Variants in CSMD1 observed in about 807,000 individuals in gnomAD.
The protein encoded by CSMD1 is CUB and Sushi multiple domains 1, also known as CUB and sushi domain-containing protein 1.
In CSMD1, 213 loss-of-function variants were observed where a neutral mutation model predicts 417.5. The observed-to-expected ratio is 0.51, with a 90% CI of 0.46 to 0.57. The LOEUF (loss-of-function observed/expected upper bound fraction) is 0.57. CSMD1 is among the 20% of genes least tolerant of loss of function. The pLI is 0.00. For synonymous variants in CSMD1, 2,862 were observed against 1,736.8 expected, an observed-to-expected ratio of 1.65 and a Z score of -16.11; for missense variants, 6,923 against 4,529.7, an observed-to-expected ratio of 1.53 and a Z score of -15.17.
At chr8:4,513,127 G>A (rs372534857) in intron 2 of CSMD1, among the ~76,000 whole-genome samples, 34 of 152,238 alleles carry the variant, frequency 2.2e-4, no homozygotes, top group South Asian at 1.0e-3. Flanking sequence ...GCAAGAGTGC[G>A]CTCCAATGTA....
chr8:3,684,227 TATATA>T (rs1223370384), intron 7 of CSMD1, among the ~76,000 whole-genome samples: 2 of 143,682 alleles, frequency 1.4e-5, no homozygotes, highest in Non-Finnish European at 3.0e-5. Flanking sequence ...TATAACATAA[TATATA>T]ATATATAATT....
intron 5 of CSMD1, among the ~76,000 whole-genome samples, chr8:3,978,748 G>A (rs1281700528): frequency 6.6e-6 from 1 of 152,068 alleles, no homozygotes; most frequent in Non-Finnish European, 1.5e-5. Flanking sequence ...CCCAGCATAC[G>A]ACATCAGTGC....
chr8:3,046,084 G>T (rs1320830051), intron 50 of CSMD1, among the ~76,000 whole-genome samples: 12 of 152,152 alleles, frequency 7.9e-5, no homozygotes, highest in Non-Finnish European at 1.6e-4. Context: ...ATAAAGAGAA[G>T]TTTGTGAATT....
chr8:2,979,704 G>T (rs1805245957), intron 54 of CSMD1, among the ~76,000 whole-genome samples: 1 of 152,172 alleles, frequency 6.6e-6, no homozygotes, highest in South Asian at 2.1e-4. Flanking sequence ...ATTCAAAAAA[G>T]GAAGGCAGAG....
chr8:3,948,798 A>C (rs759275013), intron 5 of CSMD1, among the ~76,000 whole-genome samples: 5 of 151,254 alleles, frequency 3.3e-5, no homozygotes, highest in Non-Finnish European at 5.9e-5. Context: ...AAGCAGTTTT[A>C]CTACCCAGTT....
intron 3 of CSMD1, among the ~76,000 whole-genome samples, chr8:4,285,802 C>G (rs912339189): frequency 6.6e-6 from 1 of 152,132 alleles, no homozygotes; most frequent in Admixed American, 6.6e-5. Flanking sequence ...CTCCAGGTGT[C>G]CCTCTAATTT....
At chr8:3,511,668 G>A (rs531845495) in intron 10 of CSMD1, among the ~76,000 whole-genome samples, 4 of 149,538 alleles carry the variant, frequency 2.7e-5, no homozygotes, top group South Asian at 4.2e-4. Flanking sequence ...AAAGGCAGGA[G>A]AATCCCTTGA....
chr8:4,268,016 G>C (rs981029302), intron 3 of CSMD1, among the ~76,000 whole-genome samples: 14 of 152,070 alleles, frequency 9.2e-5, no homozygotes, highest in African/African-American at 2.7e-4. Context: ...ATAGGAATAA[G>C]ACATATATAC....
At chr8:2,965,224 G>A (rs751271808) in intron 59 of CSMD1, among the ~76,000 whole-genome samples, 1 of 152,158 alleles carries the variant, frequency 6.6e-6, no homozygotes, top group Non-Finnish European at 1.5e-5. Context: ...GATGAGTTGA[G>A]CCTGTCTTGA....
At chr8:4,714,954 G>T (rs1003734927) in intron 1 of CSMD1, among the ~76,000 whole-genome samples, 2 of 152,180 alleles carry the variant, frequency 1.3e-5, no homozygotes, top group Non-Finnish European at 2.9e-5. Flanking sequence ...TTCTGCTGCT[G>T]TTTTTGTAAA....
chr8:4,541,862 T>C (rs1333871418), intron 2 of CSMD1, among the ~76,000 whole-genome samples: 5 of 152,060 alleles, frequency 3.3e-5, no homozygotes, highest in African/African-American at 1.2e-4. Flanking sequence ...CAATATGAAA[T>C]GCCAGGGAAG....
chr8:4,293,216 C>T (rs1797470648), intron 3 of CSMD1, among the ~76,000 whole-genome samples: 1 of 152,140 alleles, frequency 6.6e-6, no homozygotes. Context: ...CCCAATGATG[C>T]CGTCCTCAAG....
chr8:4,927,619 A>T (rs962158493), intron 1 of CSMD1, among the ~76,000 whole-genome samples: 2 of 152,228 alleles, frequency 1.3e-5, no homozygotes, highest in African/African-American at 4.8e-5. Context: ...TAAACTGACG[A>T]AAGACAACAG....
Position 3,926,110 on chromosome 8 carries a change from C to CACACACACACACAAACACCAT in CSMD1, c.818+71792_818+71793insATGGTGTTTGTGTGTGTGTGT, listed in dbSNP as rs1809699356. ...ACACACACACACACACACACACACA[C>CACACACACACACAAACACCAT]ACACACACACACACACACACACTTG... On this transcript the variant is annotated intron_variant, in intron 5 of 69. Transcript: ENST00000635120. 3.5e-4 allele frequency among the ~76,000 whole-genome samples: 28 copies of CACACACACACACAAACACCAT among 79,334 alleles called. 1 individual carries two copies. Among genetic ancestry groups the CACACACACACACAAACACCAT allele is most frequent in the Non-Finnish European group, 6.1e-4 (24 of 39,530 alleles). 52.0% of individuals were successfully genotyped at this position (79,334 alleles called of 152,430 possible).
intron 3 of CSMD1, among the ~76,000 whole-genome samples, chr8:4,235,735 G>C (rs962923128): frequency 6.6e-6 from 1 of 152,174 alleles, no homozygotes; most frequent in Non-Finnish European, 1.5e-5. Context: ...TCACATGCAA[G>C]TGTAATGAGG....
At chr8:3,257,910 A>C (rs539068998) in intron 26 of CSMD1, among the ~76,000 whole-genome samples, 28 of 152,116 alleles carry the variant, frequency 1.8e-4, no homozygotes, top group Admixed American at 2.6e-4. Context: ...AAGGGCGTGA[A>C]GCTTATATTT....
intron 27 of CSMD1, among the ~76,000 whole-genome samples, chr8:3,229,032 C>T (rs1156513695): frequency 6.6e-6 from 1 of 152,080 alleles, no homozygotes; most frequent in African/African-American, 2.4e-5. Context: ...AGCTATCCAA[C>T]CTCATCTGTC....
chr8:3,072,847 T>A (rs1813410160), intron 49 of CSMD1, among the ~76,000 whole-genome samples: 1 of 152,126 alleles, frequency 6.6e-6, no homozygotes, highest in African/African-American at 2.4e-5. Flanking sequence ...TGGTGCCCAC[T>A]TTTCAGTATT....
intron 5 of CSMD1, among the ~76,000 whole-genome samples, chr8:3,936,710 G>A (rs1431988260): frequency 6.6e-6 from 1 of 152,152 alleles, no homozygotes; most frequent in Non-Finnish European, 1.5e-5. Flanking sequence ...AGATCTACTA[G>A]GAGATTAATG....
Sources: gnomAD v4.1 joint callset for allele counts (sites outside exome capture counted in the v4.1 genomes callset) on GRCh38, gnomAD v4.1.1 for gene constraint, MANE v1.5 for transcripts, NCBI Gene and HGNC (gene_info 2026-07-23, HGNC 2026-07-21) for gene names.